Variants in ZSCAN21 observed in about 807,000 individuals in gnomAD.
ZSCAN21 encodes the protein zinc finger and SCAN domain-containing protein 21.
In ZSCAN21, 26 loss-of-function variants were observed where a neutral mutation model predicts 35.6. The ratio of observed to expected loss-of-function variants is 0.73; its 90% CI spans 0.54 to 1.01. The LOEUF (loss-of-function observed/expected upper bound fraction) is 1.01, where lower values mean the gene tolerates loss of function less well. Ranked by LOEUF, ZSCAN21 falls within the 50% of genes least tolerant of loss-of-function variation. The pLI, the probability that ZSCAN21 is intolerant of heterozygous loss-of-function variation, is 0.00. For missense variants in ZSCAN21, 593 were observed against 587.1 expected, an observed-to-expected ratio of 1.01 and a Z score of -0.10; for synonymous variants, 219 against 219.3, an observed-to-expected ratio of 1.00 and a Z score of 0.01.
At chr7:100,055,765 C>T (rs1025440283) in intron 1 of ZSCAN21, among the ~76,000 whole-genome samples, 2 of 151,176 alleles carry the variant, frequency 1.3e-5, no homozygotes, top group Admixed American at 6.6e-5. Context: ...CTCAGCCTCC[C>T]GAATAGCTGG....
At chr7:100,063,645 T>C in intron 3 of ZSCAN21, 143 bp from the exon 4 acceptor site, 1 of 709,666 alleles carries the variant, frequency 1.4e-6, no homozygotes, top group Admixed American at 3.1e-5. Flanking sequence ...GCTGATTTAC[T>C]TGTATCTATG....
intron 3 of ZSCAN21, among the ~76,000 whole-genome samples, chr7:100,059,076 G>A (rs1398507798): frequency 2.6e-5 from 4 of 152,162 alleles, no homozygotes; most frequent in African/African-American, 2.4e-5. Flanking sequence ...CTTTGCTTAC[G>A]TGTTGGTGGT....
chr7:100,060,141 CAG>C (rs759912466), intron 3 of ZSCAN21, among the ~76,000 whole-genome samples: 5 of 152,180 alleles, frequency 3.3e-5, no homozygotes, highest in African/African-American at 7.2e-5. Flanking sequence ...GATTAGCAAA[CAG>C]AGGTAGATGG....
chr7:100,063,562 C>T (rs932108682), intron 3 of ZSCAN21, among the ~76,000 whole-genome samples: 2 of 151,850 alleles, frequency 1.3e-5, no homozygotes, highest in African/African-American at 4.8e-5. Flanking sequence ...AGGTCACCTG[C>T]ATTCCAGCCT....
In ZSCAN21 at chr7:100,064,049, C is replaced by T; in HGVS notation, c.854C>T (p.Ala285Val). The change falls in exon 4 of 4, where the codon GCC becomes GTC. Residue 285 changes from alanine to valine, a missense_variant. Coordinates refer to ENST00000292450, the MANE Select transcript of ZSCAN21 (RefSeq NM_145914.3). ...RRYICAECGK[A>V]FSNSSNLTKH... ...TATATATGTGCTGAATGTGGCAAAG[C>T]CTTTAGTAATAGCTCAAATCTCACC... 6.2e-7 allele frequency: 1 copy of T among 1,614,118 alleles called. No homozygotes were observed. Among genetic ancestry groups the T allele is most frequent in the Non-Finnish European group, 8.5e-7 (1 of 1,180,038 alleles).
In ZSCAN21 at chr7:100,053,546, A is replaced by ATACATAGTT. The variant is rs755978112; in HGVS notation, c.-96-3364_-96-3363insACATAGTTT. ...ACATACATACATACATACATACATA[A>ATACATAGTT]TTTTTTTTTTTTTTTTTTTTTTGCA... On this transcript the variant is annotated intron_variant, in intron 1 of 3. Coordinates refer to ENST00000292450, the MANE Select transcript of ZSCAN21 (RefSeq NM_145914.3). 7.9e-3 allele frequency among the ~76,000 whole-genome samples: 628 copies of ATACATAGTT among 79,478 alleles called. 17 individuals are homozygous for ATACATAGTT. The highest frequency in any genetic ancestry group is 8.7e-3 in the Non-Finnish European group (338 of 38,900). 52.1% of individuals were successfully genotyped at this position (79,478 alleles called of 152,430 possible). A position where few individuals can be genotyped will look rare whatever the true frequency, so the allele number is the denominator to read the frequency against.
chr7:100,060,554 C>T (rs1461283547), intron 3 of ZSCAN21, among the ~76,000 whole-genome samples: 1 of 150,142 alleles, frequency 6.7e-6, no homozygotes, highest in African/African-American at 2.5e-5. Context: ...GAGTGAGATT[C>T]CATCTCAAAA....
chr7:100,064,482 C>T lies in ZSCAN21; in HGVS notation c.1287C>T (p.Ser429=). The part of the protein sequence containing the change: ...KECGKAFNHS[S]NFNKHHRIHT... ...GTGGGAAAGCCTTCAACCACAGCTC[C>T]AACTTCAATAAACACCACAGAATCC... Residue 429 remains serine, a synonymous_variant, in exon 4 of 4, where the codon TCC becomes TCT. Coordinates refer to ENST00000292450, the MANE Select transcript of ZSCAN21 (RefSeq NM_145914.3). 1 of 1,613,872 alleles carries T rather than the reference C, an allele frequency of 6.2e-7. No homozygotes were observed. Among genetic ancestry groups the T allele is most frequent in the Non-Finnish European group, 8.5e-7 (1 of 1,179,962 alleles).
At chr7:100,055,326 G>A (rs1017024799) in intron 1 of ZSCAN21, among the ~76,000 whole-genome samples, 30 of 151,842 alleles carry the variant, frequency 2.0e-4, no homozygotes, top group Admixed American at 1.1e-3. Flanking sequence ...GTGCAGTGGC[G>A]CGATCTCGGC....
At chr7:100,061,903 G>A (rs1792305452) in intron 3 of ZSCAN21, among the ~76,000 whole-genome samples, 1 of 152,206 alleles carries the variant, frequency 6.6e-6, no homozygotes, top group Admixed American at 6.5e-5. Context: ...TCCCTGATGT[G>A]GATGGCCAGG....
chr7:100,055,393 A>G (rs1373196293), intron 1 of ZSCAN21, among the ~76,000 whole-genome samples: 1 of 149,640 alleles, frequency 6.7e-6, no homozygotes, highest in Non-Finnish European at 1.5e-5. Context: ...CAGCCTCCCA[A>G]ATAGCTGAGA....
intron 1 of ZSCAN21, among the ~76,000 whole-genome samples, chr7:100,050,222 A>G (rs1037408514): frequency 2.6e-5 from 4 of 152,088 alleles, no homozygotes; most frequent in African/African-American, 4.8e-5. Context: ...ATTGATGGCA[A>G]TACGCCCAAG....
Position 100,064,204 on chromosome 7 carries a change from T to G in ZSCAN21, c.1009T>G (p.Cys337Gly). 1 of 1,613,692 alleles carries G rather than the reference T, an allele frequency of 6.2e-7. No homozygotes were observed. The highest frequency in any genetic ancestry group is 8.5e-7 in the Non-Finnish European group (1 of 1,179,922). Residue 337 changes from cysteine to glycine, a missense_variant, in exon 4 of 4, where the codon TGT (cysteine) becomes GGT (glycine). Coordinates refer to ENST00000292450, the MANE Select transcript of ZSCAN21 (RefSeq NM_145914.3). Reference sequence around the variant, plus strand: ...GGTGGACCGGCCCTATGACTGTAAGTGTGGAAAAGCTTTTGGGCAGAGCTC... The same window carrying G: ...GGTGGACCGGCCCTATGACTGTAAGGGTGGAAAAGCTTTTGGGCAGAGCTC... The part of the protein sequence containing the change: ...HLVDRPYDCK[C>G]GKAFGQSSDL...
chr7:100,050,732 T>G (rs1362821327), intron 1 of ZSCAN21, among the ~76,000 whole-genome samples: 1 of 151,704 alleles, frequency 6.6e-6, no homozygotes, highest in Non-Finnish European at 1.5e-5. Flanking sequence ...ATGGGTGAGG[T>G]ACTTGGAAAC....
intron 1 of ZSCAN21, among the ~76,000 whole-genome samples, chr7:100,050,811 A>C (rs1302705861): frequency 6.6e-6 from 1 of 152,188 alleles, no homozygotes; most frequent in East Asian, 1.9e-4. Context: ...ATTGTTTTCA[A>C]GTGTTGGAAG....
rs184057285 is a variant in ZSCAN21 at position 100,052,370 on chromosome 7, C to T, written c.-97+2529C>T. Among the ~76,000 whole-genome samples, 278 of 151,902 alleles carry T rather than the reference C, an allele frequency of 1.8e-3. 3 individuals are homozygous for T. Among genetic ancestry groups the T allele is most frequent in the Middle Eastern group, 6.8e-3 (2 of 294 alleles). On this transcript the variant is annotated intron_variant, in intron 1 of 3. Coordinates refer to ENST00000292450, the MANE Select transcript of ZSCAN21 (RefSeq NM_145914.3). ...CTTGAGACTAGGAGTTCAAGACTTC[C>T]GTGAGCTGTGATTGTGCCACTGCAC...
At chr7:100,063,473 G>A (rs987112592) in intron 3 of ZSCAN21, among the ~76,000 whole-genome samples, 4 of 151,962 alleles carry the variant, frequency 2.6e-5, no homozygotes, top group Non-Finnish European at 5.9e-5. Context: ...GTGGTGGCAC[G>A]TGCCTGTAAT....
intron 3 of ZSCAN21, among the ~76,000 whole-genome samples, chr7:100,062,503 G>T: frequency 6.6e-6 from 1 of 151,624 alleles, no homozygotes; most frequent in East Asian, 1.9e-4. Flanking sequence ...GCTGAGGCAG[G>T]AGAATCGCTT....
In ZSCAN21 at chr7:100,064,208, G is replaced by T. The variant is rs1463910762; in HGVS notation, c.1013G>T (p.Gly338Val). 4 of 1,614,026 alleles carry T rather than the reference G, an allele frequency of 2.5e-6. No homozygotes were observed. The Admixed American group carries it at 6.7e-5, about 27-fold the overall frequency. Residue 338 changes from glycine (G) to valine (V), a missense_variant, in exon 4 of 4, where the codon GGA becomes GTA. Physicochemically the swap from Gly to Val is moderately radical, Grantham distance 109. Coordinates refer to ENST00000292450, the MANE Select transcript of ZSCAN21 (RefSeq NM_145914.3). ...LVDRPYDCKCGKAFGQSSDLL... is the reference protein window; with the variant it reads ...LVDRPYDCKCVKAFGQSSDLL... ...GACCGGCCCTATGACTGTAAGTGTG[G>T]AAAAGCTTTTGGGCAGAGCTCAGAC...
Sources: gnomAD v4.1 joint callset for allele counts (sites outside exome capture counted in the v4.1 genomes callset) on GRCh38, gnomAD v4.1.1 for gene constraint, MANE v1.5 for transcripts, NCBI Gene and HGNC (gene_info 2026-07-23, HGNC 2026-07-21) for gene names.